The following ZHX2 variants were observed in gnomAD, a reference collection of about 807,000 sequenced individuals.
ZHX2 encodes zinc fingers and homeoboxes 2, also known as zinc fingers and homeoboxes protein 2.
A neutral mutation model predicts 21.9 loss-of-function variants in ZHX2; 6 were observed. That is an observed-to-expected ratio of 0.27 (90% confidence interval 0.15 to 0.54). The LOEUF (loss-of-function observed/expected upper bound fraction) is 0.54, where lower values mean the gene tolerates loss of function less well. Among genes scored for constraint, ZHX2 ranks in the 20% least tolerant of loss-of-function variants. ZHX2 has a pLI of 0.95. For synonymous variants in ZHX2, 434 were observed against 437.1 expected, an observed-to-expected ratio of 0.99 and a Z score of 0.09; for missense variants, 908 against 1,090.7, an observed-to-expected ratio of 0.83 and a Z score of 2.36.
intron 2 of ZHX2, among the ~76,000 whole-genome samples, chr8:122,942,596 C>T (rs1812874120): frequency 6.6e-6 from 1 of 152,160 alleles, no homozygotes; most frequent in Non-Finnish European, 1.5e-5. Context: ...CCTCTGAACC[C>T]CCGAGGGCTT....
At chr8:122,944,185 C>T (rs1812913525) in intron 2 of ZHX2, among the ~76,000 whole-genome samples, 1 of 152,164 alleles carries the variant, frequency 6.6e-6, no homozygotes, top group Non-Finnish European at 1.5e-5. Context: ...AGGGTTTGGA[C>T]AGACTGGTCA....
intron 2 of ZHX2, among the ~76,000 whole-genome samples, chr8:122,921,059 G>GT (rs151107606): frequency 0.026 from 3,979 of 151,018 alleles, 148 homozygotes; most frequent in African/African-American, 0.092. Context: ...GGAAGGACAT[G>GT]TTTTTTTTTG....
chr8:122,841,116 C>T lies in ZHX2; in HGVS notation c.-282-22361C>T, dbSNP rs182925034. 2.0e-3 allele frequency among the ~76,000 whole-genome samples: 302 copies of T among 152,310 alleles called. 1 individual carries two copies. Among genetic ancestry groups the T allele is most frequent in the African/African-American group, 7.0e-3 (291 of 41,560 alleles). On this transcript the variant is annotated intron_variant, in intron 1 of 3. Coordinates refer to ENST00000314393, the MANE Select transcript of ZHX2 (RefSeq NM_014943.5). ...TTCTTTCGTTTTAGCAGCAGCATTA[C>T]GTACTGCTGCCAGGTGGAGCGTTGC...
chr8:122,954,931 C>G (rs1444928460), intron 3 of ZHX2, among the ~76,000 whole-genome samples: 1 of 151,588 alleles, frequency 6.6e-6, no homozygotes, highest in African/African-American at 2.4e-5. Context: ...CTTATTTCTT[C>G]TAATCTGAAA....
intron 2 of ZHX2, among the ~76,000 whole-genome samples, chr8:122,948,200 C>A: frequency 6.6e-6 from 1 of 152,120 alleles, no homozygotes; most frequent in South Asian, 2.1e-4. Context: ...ATAAGTTCTT[C>A]GCTTTGGCCT....
At chr8:122,832,485 C>T (rs1163670053) in intron 1 of ZHX2, among the ~76,000 whole-genome samples, 1 of 152,060 alleles carries the variant, frequency 6.6e-6, no homozygotes, top group South Asian at 2.1e-4. Context: ...CCACGCCGTT[C>T]GTCGGTATAG....
chr8:122,891,281 T>A (rs1390680784), intron 2 of ZHX2, among the ~76,000 whole-genome samples: 1 of 41,830 alleles, frequency 2.4e-5, no homozygotes, highest in South Asian at 9.9e-4. Flanking sequence ...TGTGTGTGTG[T>A]GTGTGTGTGT....
At chr8:122,792,940 A>G (rs1201616793) in intron 1 of ZHX2, among the ~76,000 whole-genome samples, 1 of 152,126 alleles carries the variant, frequency 6.6e-6, no homozygotes, top group Non-Finnish European at 1.5e-5. Context: ...CTCCTAGTGT[A>G]TAGGGCACTG....
chr8:122,905,135 G>A (rs111260045), intron 2 of ZHX2, among the ~76,000 whole-genome samples: 11 of 152,298 alleles, frequency 7.2e-5, no homozygotes, highest in South Asian at 2.1e-4. Flanking sequence ...AGAACCACTC[G>A]AAGAAATAAT....
intron 3 of ZHX2, among the ~76,000 whole-genome samples, chr8:122,968,409 G>T (rs1055712619): frequency 6.6e-6 from 1 of 152,162 alleles, no homozygotes; most frequent in African/African-American, 2.4e-5. Context: ...ATTTGGGATG[G>T]CACGGAGTTT....
At chr8:122,848,045 A>G (rs1170261494) in intron 1 of ZHX2, among the ~76,000 whole-genome samples, 1 of 152,218 alleles carries the variant, frequency 6.6e-6, no homozygotes, top group Non-Finnish European at 1.5e-5. Context: ...CGCCGCAGGG[A>G]GCTCTTTCAA....
At chr8:122,911,370 G>A (rs1820476971) in intron 2 of ZHX2, among the ~76,000 whole-genome samples, 1 of 152,102 alleles carries the variant, frequency 6.6e-6, no homozygotes, top group Admixed American at 6.5e-5. Context: ...CTGTCCTGCA[G>A]AGGCCTTCAC....
chr8:122,934,651 T>TTCC (rs1307060916), intron 2 of ZHX2, among the ~76,000 whole-genome samples: 22,462 of 149,750 alleles, frequency 0.15, 3,171 homozygotes, highest in African/African-American at 0.37. Flanking sequence ...TCCTTCCTTC[T>TTCC]TTATTACCTT....
intron 1 of ZHX2, among the ~76,000 whole-genome samples, chr8:122,830,094 A>G (rs1280065170): frequency 6.6e-6 from 1 of 152,218 alleles, no homozygotes; most frequent in Non-Finnish European, 1.5e-5. Context: ...GCGTGTGCCG[A>G]CAGACAACAG....
At position 122,867,380 on chromosome 8, in the gene ZHX2, C is replaced by G. The variant is rs1385347647; in HGVS notation, c.-220+3841C>G. ...TCACCAACTGGTGCTAACGGAGGAGCCACAGGACCTGTGCTTAGCAGGTCT... is the reference window on the plus strand; with the variant it reads ...TCACCAACTGGTGCTAACGGAGGAGGCACAGGACCTGTGCTTAGCAGGTCT... On this transcript the variant is annotated intron_variant, in intron 2 of 3. Coordinates refer to ENST00000314393, the MANE Select transcript of ZHX2 (RefSeq NM_014943.5). Among the ~76,000 whole-genome samples the G allele has an allele frequency of 2.0e-5, 3 of 152,178 alleles. No individual in the cohort carries two copies. The East Asian group carries it at 5.8e-4, about 29-fold the overall frequency.
At chr8:122,919,745 G>A (rs552533888) in intron 2 of ZHX2, among the ~76,000 whole-genome samples, 105 of 152,308 alleles carry the variant, frequency 6.9e-4, no homozygotes, top group Middle Eastern at 3.4e-3. Flanking sequence ...TGGCCTGCCC[G>A]AGGTCACACA....
intron 1 of ZHX2, among the ~76,000 whole-genome samples, chr8:122,818,298 T>TA (rs61376383): frequency 0.24 from 35,421 of 144,754 alleles, 4,148 homozygotes; most frequent in East Asian, 0.29. Flanking sequence ...TAAGGAAAAT[T>TA]AAAAAAAAAA....
chr8:122,902,590 G>C (rs994195889), intron 2 of ZHX2, among the ~76,000 whole-genome samples: 3 of 152,322 alleles, frequency 2.0e-5, no homozygotes, highest in South Asian at 2.1e-4. Context: ...TGAGTCAGGA[G>C]ACTTGGGTTC....
chr8:122,860,401 G>A (rs972870867), intron 1 of ZHX2, among the ~76,000 whole-genome samples: 10 of 152,198 alleles, frequency 6.6e-5, no homozygotes, highest in African/African-American at 2.4e-4. Flanking sequence ...AATGATATAT[G>A]CATTTCTGTA....
Sources: allele counts gnomAD v4.1 joint callset (sites outside exome capture counted in the v4.1 genomes callset), GRCh38; gene constraint gnomAD v4.1.1; transcripts MANE v1.5; gene names NCBI Gene and HGNC (gene_info 2026-07-23, HGNC 2026-07-21).